CHN2: variants seen among roughly 807,000 people sequenced by gnomAD.
CHN2 encodes the protein beta-chimaerin.
Under a neutral mutation model 56.3 loss-of-function variants are expected in CHN2, and 35 were observed. The ratio of observed to expected loss-of-function variants is 0.62; its 90% CI spans 0.47 to 0.82. The LOEUF (loss-of-function observed/expected upper bound fraction) is 0.82, where lower values mean the gene tolerates loss of function less well. Ranked by LOEUF, CHN2 falls within the 40% of genes least tolerant of loss-of-function variation. CHN2 has a pLI of 0.00. For missense variants in CHN2, 491 were observed against 580.5 expected (o/e 0.85, Z 1.58); for synonymous variants, 210 against 212.8 (o/e 0.99, Z 0.12).
chr7:29,488,681 AC>A (rs199626876), intron 7 of CHN2, among the ~76,000 whole-genome samples: 1 of 151,888 alleles, frequency 6.6e-6, no homozygotes, highest in Non-Finnish European at 1.5e-5. Context: ...AGGAAACTTC[AC>A]CCCCCCACCT....
intron 1 of CHN2, among the ~76,000 whole-genome samples, chr7:29,306,241 T>A (rs1351599782): frequency 6.6e-6 from 1 of 152,198 alleles, no homozygotes; most frequent in Admixed American, 6.5e-5. Flanking sequence ...GAAGCAGACT[T>A]GAAAGCATTC....
intron 6 of CHN2, among the ~76,000 whole-genome samples, chr7:29,468,038 G>T (rs1021149139): frequency 1.3e-5 from 2 of 151,398 alleles, no homozygotes; most frequent in Admixed American, 6.6e-5. Context: ...TTGATAACAT[G>T]TCGGGGAGTA....
intron 6 of CHN2, among the ~76,000 whole-genome samples, chr7:29,421,712 T>C (rs946021616): frequency 6.6e-6 from 1 of 152,232 alleles, no homozygotes; most frequent in Non-Finnish European, 1.5e-5. Context: ...TGAGATAGAA[T>C]GTACGTGAAT....
chr7:29,363,212 G>A lies in CHN2; in HGVS notation c.89-4720G>A, dbSNP rs538641321. ...TTAAACATGTACTACAAGGCTGAGC[G>A]TGGTGGCTCACGCCTCTAATCCCAG... On this transcript the variant is annotated intron_variant, in intron 2 of 12. Coordinates refer to ENST00000222792, the MANE Select transcript of CHN2 (RefSeq NM_004067.4). Among the ~76,000 whole-genome samples, 206 of 152,336 alleles carry A rather than the reference G, an allele frequency of 1.4e-3. 1 individual carries two copies. The highest frequency in any genetic ancestry group is 2.5e-3 in the Non-Finnish European group (169 of 68,026).
At chr7:29,293,762 C>G (rs536049326) in intron 1 of CHN2, among the ~76,000 whole-genome samples, 12 of 152,118 alleles carry the variant, frequency 7.9e-5, no homozygotes, top group Non-Finnish European at 1.8e-4. Flanking sequence ...CACTGTTTCC[C>G]CCTAGCACAT....
chr7:29,314,089 G>A (rs974047758), intron 1 of CHN2, among the ~76,000 whole-genome samples: 1 of 152,182 alleles, frequency 6.6e-6, no homozygotes, highest in African/African-American at 2.4e-5. Context: ...AAATTTCCAA[G>A]AGATATTTGT....
chr7:29,170,293 A>G (rs1371279432), intron 2 of CHN2, among the ~76,000 whole-genome samples: 1 of 152,296 alleles, frequency 6.6e-6, no homozygotes, highest in Admixed American at 6.5e-5. Flanking sequence ...CTTAATTACT[A>G]GAGCAACTCT....
intron 2 of CHN2, among the ~76,000 whole-genome samples, chr7:29,175,260 T>C (rs920361822): frequency 2.6e-5 from 4 of 151,896 alleles, no homozygotes; most frequent in Non-Finnish European, 5.9e-5. Flanking sequence ...CTGCAGTCTC[T>C]GACTCCTGGG....
chr7:29,412,212 C>G (rs1036747988), intron 6 of CHN2, among the ~76,000 whole-genome samples: 1 of 151,916 alleles, frequency 6.6e-6, no homozygotes, highest in Admixed American at 6.6e-5. Flanking sequence ...GAAGCCACTG[C>G]TGGAATGCAG....
chr7:29,146,818 C>G, intron 1 of CHN2: 1 of 1,550,420 alleles, frequency 6.4e-7, no homozygotes. Context: ...AAATTTCAAC[C>G]CTGTATTTTG....
At chr7:29,259,715 C>G (rs1789390388) in intron 1 of CHN2, among the ~76,000 whole-genome samples, 2 of 151,940 alleles carry the variant, frequency 1.3e-5, no homozygotes, top group Non-Finnish European at 2.9e-5. Context: ...CTTAAGTGGC[C>G]TCACTCTCCC....
At chr7:29,440,736 T>C in intron 6 of CHN2, among the ~76,000 whole-genome samples, 1 of 138,390 alleles carries the variant, frequency 7.2e-6, no homozygotes, top group East Asian at 2.1e-4. Context: ...GGAAAAGGAG[T>C]TTGAGAAAAT....
At chr7:29,228,192 TTGTG>T (rs1280298948) in intron 1 of CHN2, among the ~76,000 whole-genome samples, 1 of 149,302 alleles carries the variant, frequency 6.7e-6, no homozygotes, top group Non-Finnish European at 1.5e-5. Context: ...GTGTGTGTGT[TTGTG>T]TGTTTGTGGA....
At chr7:29,202,766 G>A (rs1331868116) in intron 1 of CHN2, among the ~76,000 whole-genome samples, 1 of 152,226 alleles carries the variant, frequency 6.6e-6, no homozygotes, top group East Asian at 1.9e-4. Context: ...TTTCAAGGAA[G>A]TGAAACCTAG....
chr7:29,179,232 T>G (rs1191446450), intron 2 of CHN2, among the ~76,000 whole-genome samples: 1 of 152,186 alleles, frequency 6.6e-6, no homozygotes. Flanking sequence ...CTCCATCCCC[T>G]CACACAGCAC....
At chr7:29,411,453 A>G (rs577449338) in intron 6 of CHN2, among the ~76,000 whole-genome samples, 1 of 152,058 alleles carries the variant, frequency 6.6e-6, no homozygotes, top group East Asian at 1.9e-4. Flanking sequence ...AGTAGCTGTC[A>G]TTTTTGCCAC....
intron 3 of CHN2, among the ~76,000 whole-genome samples, chr7:29,374,390 G>T (rs1469174196): frequency 6.6e-6 from 1 of 151,922 alleles, no homozygotes; most frequent in South Asian, 2.1e-4. Flanking sequence ...AATGTTTTCT[G>T]CTTTTTTTTT....
intron 6 of CHN2, among the ~76,000 whole-genome samples, chr7:29,435,894 C>CTTTTTTTT (rs57786505): frequency 1.5e-5 from 2 of 137,424 alleles, no homozygotes; most frequent in Non-Finnish European, 1.6e-5. Context: ...GAAGCGCCTC[C>CTTTTTTTT]TTTTTTTTTT....
chr7:29,187,818 C>T (rs1193696615), intron 2 of CHN2, among the ~76,000 whole-genome samples: 2 of 152,210 alleles, frequency 1.3e-5, no homozygotes, highest in Non-Finnish European at 2.9e-5. Context: ...TAAAAACTAC[C>T]TGCCGTGCAG....
Sources: allele counts gnomAD v4.1 joint callset (sites outside exome capture counted in the v4.1 genomes callset), GRCh38; gene constraint gnomAD v4.1.1; transcripts MANE v1.5; gene names NCBI Gene and HGNC (gene_info 2026-07-23, HGNC 2026-07-21).